Variants in DENND5B observed in about 807,000 individuals in gnomAD.
The protein encoded by DENND5B is DENN domain containing 5B, also known as DENN domain-containing protein 5B.
A neutral mutation model predicts 140.6 loss-of-function variants in DENND5B; 34 were observed. That is an observed-to-expected ratio of 0.24 (90% CI 0.18 to 0.32). The LOEUF is 0.32. Ranked by LOEUF, DENND5B falls within the 10% of genes least tolerant of loss-of-function variation. DENND5B has a pLI of 1.00. For synonymous variants in DENND5B, 551 were observed against 562.1 expected, an observed-to-expected ratio of 0.98 and a Z score of 0.28; for missense variants, 1,142 against 1,560.2, an observed-to-expected ratio of 0.73 and a Z score of 4.52.
chr12:31,413,334 T>C lies in DENND5B; in HGVS notation c.2681+102A>G, dbSNP rs576611882. 10 of 1,410,382 alleles carry C rather than the reference T, an allele frequency of 7.1e-6. No individual in the cohort carries two copies. The East Asian group carries it at 2.1e-4, about 29-fold the overall frequency. The allele number at this position is 1,410,382 out of a possible 1,614,324, so 87.4% of individuals were successfully genotyped here. A position where few individuals can be genotyped will look rare whatever the true frequency, so the allele number is the denominator to read the frequency against. On this transcript the variant is annotated intron_variant, in intron 13 of 20. Coordinates refer to ENST00000389082, the MANE Select transcript of DENND5B (RefSeq NM_144973.4). ...TAAAGAAGAATGCATGTGCACAGGATACAGCACTTCATACTGAAGAAGCCA... is the reference window on the plus strand; with the variant it reads ...TAAAGAAGAATGCATGTGCACAGGACACAGCACTTCATACTGAAGAAGCCA...
chr12:31,512,565 T>A (rs769983511), intron 1 of DENND5B, among the ~76,000 whole-genome samples: 2 of 152,016 alleles, frequency 1.3e-5, no homozygotes, highest in Non-Finnish European at 2.9e-5. Context: ...CCTTTAATAA[T>A]TTGTGTTGGT....
intron 1 of DENND5B, among the ~76,000 whole-genome samples, chr12:31,541,972 C>T (rs1356516377): frequency 6.6e-6 from 1 of 152,102 alleles, no homozygotes; most frequent in Non-Finnish European, 1.5e-5. Flanking sequence ...CACATGTTTT[C>T]ACTTATTTGT....
At chr12:31,442,714 C>T in intron 7 of DENND5B, 61 bp downstream of exon 7, 3 of 1,543,692 alleles carry the variant, frequency 1.9e-6, no homozygotes, top group Non-Finnish European at 2.6e-6. Flanking sequence ...ATTTGAGTTG[C>T]AGAGCACCCC....
intron 3 of DENND5B, among the ~76,000 whole-genome samples, chr12:31,478,699 TA>T (rs34417003): frequency 1.3e-5 from 2 of 149,480 alleles, no homozygotes; most frequent in African/African-American, 2.5e-5. Flanking sequence ...AGAACTTGTC[TA>T]AAAAAAAAAG....
intron 13 of DENND5B, among the ~76,000 whole-genome samples, chr12:31,411,159 C>T (rs1271667740): frequency 1.3e-5 from 2 of 151,906 alleles, no homozygotes; most frequent in African/African-American, 4.8e-5. Context: ...CCTGCCTCAG[C>T]CTCCAAGTAG....
chr12:31,508,913 T>C (rs1462162884), intron 1 of DENND5B, among the ~76,000 whole-genome samples: 3 of 152,158 alleles, frequency 2.0e-5, no homozygotes, highest in Non-Finnish European at 4.4e-5. Flanking sequence ...CCTAACGTAC[T>C]TTTTTGAAAT....
chr12:31,527,743 A>G (rs947102971), intron 1 of DENND5B, among the ~76,000 whole-genome samples: 1 of 151,802 alleles, frequency 6.6e-6, no homozygotes, highest in African/African-American at 2.4e-5. Context: ...ATGCCACTAC[A>G]CTCTAGCCTG....
chr12:31,554,697 A>G (rs1044266844), intron 1 of DENND5B, among the ~76,000 whole-genome samples: 1 of 152,166 alleles, frequency 6.6e-6, no homozygotes, highest in Non-Finnish European at 1.5e-5. Context: ...AGGTACACCA[A>G]TCAGATGTAG....
At position 31,522,058 on chromosome 12, in the gene DENND5B, C is replaced by T. The variant is rs532825531; in HGVS notation, c.128-26139G>A. ...GCTATAGTAAATTTGCTGTCATATCCTCACCCCTTTCTGCTTTTACAAATG... is the reference window on the plus strand; with the variant it reads ...GCTATAGTAAATTTGCTGTCATATCTTCACCCCTTTCTGCTTTTACAAATG... On this transcript the variant is annotated intron_variant, in intron 1 of 20. Coordinates refer to ENST00000389082, the MANE Select transcript of DENND5B (RefSeq NM_144973.4). 1.8e-4 allele frequency among the ~76,000 whole-genome samples: 28 copies of T among 152,234 alleles called. No individual in the cohort carries two copies. In the East Asian group the frequency reaches 2.7e-3, roughly 15 times the overall value.
chr12:31,392,610 A>T lies in DENND5B; in HGVS notation c.3339+4T>A. 1 of 1,555,102 alleles carries T rather than the reference A, an allele frequency of 6.4e-7. No homozygotes were observed. The highest frequency in any genetic ancestry group is 8.7e-7 in the Non-Finnish European group (1 of 1,148,566). ...CTATACTAAGTTTTATAGCCCATAA[A>T]TACCTCTTTTTCAGGTTTATGAAAA... On this transcript the variant is annotated splice_donor_region_variant and intron_variant, in intron 18 of 20. Transcript: ENST00000389082.
chr12:31,423,704 A>G (rs745639450), intron 10 of DENND5B, 29 bp from the exon 11 acceptor site: 38 of 1,594,202 alleles, frequency 2.4e-5, no homozygotes, highest in African/African-American at 8.1e-5. Flanking sequence ...TAAAAATTTC[A>G]TAAGAAATAA....
intron 17 of DENND5B, among the ~76,000 whole-genome samples, chr12:31,394,744 G>A (rs1442431873): frequency 6.6e-6 from 1 of 151,898 alleles, no homozygotes; most frequent in Non-Finnish European, 1.5e-5. Flanking sequence ...CTCCCGAGTA[G>A]CTGGGACTAT....
chr12:31,487,739 AC>A (rs2138642672), intron 2 of DENND5B, among the ~76,000 whole-genome samples: 1 of 152,152 alleles, frequency 6.6e-6, no homozygotes, highest in Non-Finnish European at 1.5e-5. Flanking sequence ...AACCCTAAAA[AC>A]CCAAAAACTT....
At chr12:31,578,122 G>A (rs992481190) in intron 1 of DENND5B, among the ~76,000 whole-genome samples, 36 of 76,568 alleles carry the variant, frequency 4.7e-4, no homozygotes, top group African/African-American at 2.0e-3. Context: ...GTGGGACGCT[G>A]TCTCAAAAAA....
intron 6 of DENND5B, among the ~76,000 whole-genome samples, chr12:31,446,583 G>A (rs1216331034): frequency 2.6e-5 from 4 of 152,184 alleles, no homozygotes; most frequent in African/African-American, 9.7e-5. Context: ...CTTGGATATA[G>A]AGAAGAGGTG....
intron 12 of DENND5B, among the ~76,000 whole-genome samples, chr12:31,414,004 C>T (rs1171694885): frequency 6.6e-6 from 1 of 152,194 alleles, no homozygotes; most frequent in South Asian, 2.1e-4. Flanking sequence ...TTTCAAGTTG[C>T]ACTGGACAAC....
intron 16 of DENND5B, among the ~76,000 whole-genome samples, chr12:31,398,805 G>A (rs905059391): frequency 6.6e-6 from 1 of 151,846 alleles, no homozygotes; most frequent in African/African-American, 2.4e-5. Context: ...CTAAGCAATA[G>A]CAGCAAACAT....
intron 17 of DENND5B, among the ~76,000 whole-genome samples, chr12:31,394,704 C>T (rs534613438): frequency 1.3e-5 from 2 of 151,788 alleles, no homozygotes; most frequent in South Asian, 2.1e-4. Flanking sequence ...AGTTCCGCCT[C>T]CCGGGTTCAC....
intron 8 of DENND5B, among the ~76,000 whole-genome samples, chr12:31,427,098 GTGA>G (rs1335740786): frequency 2.6e-5 from 4 of 152,146 alleles, no homozygotes; most frequent in Admixed American, 2.6e-4. Flanking sequence ...GCCTCTTTCT[GTGA>G]TGTTTTTGCT....
Sources: allele counts gnomAD v4.1 joint callset (sites outside exome capture counted in the v4.1 genomes callset), GRCh38; gene constraint gnomAD v4.1.1; transcripts MANE v1.5; gene names NCBI Gene and HGNC (gene_info 2026-07-23, HGNC 2026-07-21).